The following PDE8A variants were observed in gnomAD, a reference collection of about 807,000 sequenced individuals.
PDE8A encodes high affinity cAMP-specific and IBMX-insensitive 3',5'-cyclic phosphodiesterase 8A.
PDE8A carries 59 observed loss-of-function variants against 105.0 expected under a neutral mutation model. The observed-to-expected ratio is 0.56, with a 90% CI of 0.46 to 0.70. The LOEUF is 0.70. Ranked by LOEUF, PDE8A falls within the 30% of genes least tolerant of loss-of-function variation. PDE8A has a pLI of 0.00. For synonymous variants in PDE8A, 355 were observed against 371.9 expected (o/e 0.95, Z 0.52); for missense variants, 1,014 against 1,045.9 (o/e 0.97, Z 0.42).
chr15:84,997,803 C>T (rs932043142), intron 1 of PDE8A, among the ~76,000 whole-genome samples: 1 of 152,130 alleles, frequency 6.6e-6, no homozygotes, highest in Non-Finnish European at 1.5e-5. Context: ...CCATGTTGGT[C>T]AGGCTGGTCT....
intron 5 of PDE8A, among the ~76,000 whole-genome samples, chr15:85,079,208 A>T (rs1333553613): frequency 1.3e-5 from 2 of 152,206 alleles, no homozygotes; most frequent in Non-Finnish European, 2.9e-5. Flanking sequence ...GAAGGGACAT[A>T]CTCAAAGAGG....
intron 1 of PDE8A, among the ~76,000 whole-genome samples, chr15:85,022,644 G>A (rs1026253477): frequency 1.3e-5 from 2 of 151,578 alleles, no homozygotes; most frequent in Non-Finnish European, 2.9e-5. Context: ...TGCCTCCCGG[G>A]TTGAAGCAAT....
rs116472523 is a variant in PDE8A, at chr15:85,028,630, G to C, written c.187-35740G>C. ...ATTCCTTGTATTTCGCAATTTGATA[G>C]AGAAAAAAGTCACTTGCTTTCTTAG... On this transcript the variant is annotated intron_variant, in intron 1 of 21. Coordinates refer to ENST00000394553, the MANE Select transcript of PDE8A (RefSeq NM_002605.3). 6.0e-3 allele frequency among the ~76,000 whole-genome samples: 915 copies of C among 152,280 alleles called. 10 individuals are homozygous for C. The highest frequency in any genetic ancestry group is 0.021 in the African/African-American group (875 of 41,532).
chr15:85,116,031 G>A lies in PDE8A; in HGVS notation c.1447G>A (p.Asp483Asn). The A allele has an allele frequency of 1.9e-6, 3 of 1,613,316 alleles. No individual in the cohort carries two copies. In the African/African-American group the frequency reaches 4.0e-5, roughly 22 times the overall value. ...SNIITPISLD[D>N]VPPRIARAME... is the part of the protein sequence containing the mutation. ...TATAATCACTCCCATCTCCCTTGAT[G>A]ATGTCCCACCACGGATAGCTCGGGC... Residue 483 changes from aspartate to asparagine, a missense_variant, in exon 16 of 22, where the codon GAT becomes AAT. Coordinates refer to ENST00000394553, the MANE Select transcript of PDE8A (RefSeq NM_002605.3).
chr15:85,100,012 C>T lies in PDE8A; in HGVS notation c.942-3C>T. On this transcript the variant is annotated splice_region_variant and splice_polypyrimidine_tract_variant and intron_variant, in intron 9 of 21. Transcript: ENST00000394553. ...GAAATAATGCATTGTTTTTTACTTG[C>T]AGAAAAATTAGACACTATGTGTCCA... 1 of 1,605,314 alleles carries T rather than the reference C, an allele frequency of 6.2e-7. No individual in the cohort carries two copies. The highest frequency in any genetic ancestry group is 8.5e-7 in the Non-Finnish European group (1 of 1,175,046).
At chr15:84,997,307 C>T (rs2079995569) in intron 1 of PDE8A, among the ~76,000 whole-genome samples, 1 of 151,960 alleles carries the variant, frequency 6.6e-6, no homozygotes, top group South Asian at 2.1e-4. Flanking sequence ...GATCCTCCCA[C>T]CTTAGCCTCC....
At chr15:84,996,087 T>A (rs951616800) in intron 1 of PDE8A, among the ~76,000 whole-genome samples, 3 of 152,238 alleles carry the variant, frequency 2.0e-5, no homozygotes, top group African/African-American at 4.8e-5. Flanking sequence ...AACTTTTTAA[T>A]AAGTTTGAAT....
intron 11 of PDE8A, among the ~76,000 whole-genome samples, chr15:85,105,875 C>T (rs943915083): frequency 6.6e-6 from 1 of 152,180 alleles, no homozygotes; most frequent in Non-Finnish European, 1.5e-5. Flanking sequence ...AAGCCTCACA[C>T]TTCATCTTCA....
At chr15:84,982,966 G>A (rs1008692784) in intron 1 of PDE8A, among the ~76,000 whole-genome samples, 16 of 152,186 alleles carry the variant, frequency 1.1e-4, no homozygotes, top group African/African-American at 3.9e-4. Context: ...ACTGTGAAAC[G>A]CGATTTTTGA....
chr15:85,085,105 AC>A (rs1385172713), intron 6 of PDE8A, among the ~76,000 whole-genome samples: 1 of 152,094 alleles, frequency 6.6e-6, no homozygotes, highest in African/African-American at 2.4e-5. Flanking sequence ...CCAGATAGGC[AC>A]CCACTGCGTT....
At chr15:85,132,182 A>G (rs145892386) in intron 20 of PDE8A, among the ~76,000 whole-genome samples, 121 of 152,250 alleles carry the variant, frequency 7.9e-4, no homozygotes, top group African/African-American at 2.7e-3. Flanking sequence ...ATGTTGCCCA[A>G]GCTGGTCTTG....
intron 3 of PDE8A, among the ~76,000 whole-genome samples, chr15:85,071,306 G>A (rs2081307278): frequency 1.3e-5 from 2 of 152,200 alleles, no homozygotes; most frequent in African/African-American, 2.4e-5. Flanking sequence ...AGATGACTGA[G>A]CCCCAGCAGA....
intron 20 of PDE8A, among the ~76,000 whole-genome samples, chr15:85,132,662 C>T (rs987569188): frequency 8.6e-5 from 13 of 151,990 alleles, no homozygotes; most frequent in South Asian, 2.1e-4. Context: ...GATGAGGTTT[C>T]GCCAGGCTGG....
chr15:85,115,235 C>G, intron 14 of PDE8A: 1 of 517,742 alleles, frequency 1.9e-6, no homozygotes. Flanking sequence ...ACCATCCTTC[C>G]CAGCATTAGC....
chr15:85,097,805 A>G (rs1360585112), intron 8 of PDE8A, 143 bp from the exon 9 acceptor site: 13 of 613,408 alleles, frequency 2.1e-5, no homozygotes, highest in East Asian at 1.7e-4. Flanking sequence ...GAATTGTCCT[A>G]TTACCTGAAA....
At chr15:85,023,059 G>A (rs1314800496) in intron 1 of PDE8A, among the ~76,000 whole-genome samples, 1 of 152,194 alleles carries the variant, frequency 6.6e-6, no homozygotes, top group African/African-American at 2.4e-5. Flanking sequence ...TCAGGAGGAA[G>A]TTGGAAGGAA....
At chr15:85,010,692 C>T (rs1224981360) in intron 1 of PDE8A, among the ~76,000 whole-genome samples, 3 of 152,178 alleles carry the variant, frequency 2.0e-5, no homozygotes, top group African/African-American at 2.4e-5. Flanking sequence ...AGGGAACAGT[C>T]TTTTTTTCTG....
chr15:85,043,091 G>GTT (rs1471368049), intron 1 of PDE8A, among the ~76,000 whole-genome samples: 2 of 42,748 alleles, frequency 4.7e-5, no homozygotes, highest in African/African-American at 8.4e-5. Context: ...TCCAGACAAG[G>GTT]CTCTCTGTCT....
intron 20 of PDE8A, among the ~76,000 whole-genome samples, chr15:85,131,056 C>T (rs562966821): frequency 2.9e-4 from 44 of 152,278 alleles, no homozygotes; most frequent in Admixed American, 2.7e-3. Flanking sequence ...CGCGCCTGGC[C>T]TGTAACAGTT....
Sources: allele counts gnomAD v4.1 joint callset (sites outside exome capture counted in the v4.1 genomes callset), GRCh38; gene constraint gnomAD v4.1.1; transcripts MANE v1.5; gene names NCBI Gene and HGNC (gene_info 2026-07-23, HGNC 2026-07-21).